Variants in MCPH1 observed in about 807,000 individuals in gnomAD.
MCPH1 encodes the protein microcephalin 1.
In MCPH1, 104 loss-of-function variants were observed where a neutral mutation model predicts 84.5. The observed-to-expected ratio is 1.23, with a 90% CI of 1.05 to 1.45. The LOEUF (loss-of-function observed/expected upper bound fraction) is 1.45, where lower values mean the gene tolerates loss of function less well. MCPH1 is among the 40% of genes most tolerant of loss of function. The pLI, the probability that MCPH1 is intolerant of heterozygous loss-of-function variation, is 0.00. For synonymous variants in MCPH1, 514 were observed against 366.8 expected (o/e 1.40, Z -4.58); for missense variants, 1,498 against 1,005.7 (o/e 1.49, Z -6.62).
chr8:6,477,636 G>C lies in MCPH1; in HGVS notation c.1973+5G>C, dbSNP rs763489143. On this transcript the variant is annotated splice_donor_5th_base_variant and intron_variant, in intron 10 of 13. Transcript: ENST00000344683. The stretch of plus-strand genomic sequence containing the variant: ...CATGACAAGCATGCCATCTGAGTAA[G>C]TACTTGTTTTGATTTCTGTTCAATG... 6.2e-7 allele frequency: 1 copy of C among 1,611,596 alleles called. No individual in the cohort carries two copies. The highest frequency in any genetic ancestry group is 2.2e-5 in the East Asian group (1 of 44,816).
At chr8:6,496,634 G>A (rs555543318) in intron 11 of MCPH1, among the ~76,000 whole-genome samples, 4 of 151,964 alleles carry the variant, frequency 2.6e-5, no homozygotes, top group African/African-American at 7.2e-5. Flanking sequence ...TATGGTGGGC[G>A]GTATGCTTGG....
intron 12 of MCPH1, among the ~76,000 whole-genome samples, chr8:6,611,684 T>G (rs910357198): frequency 6.6e-6 from 1 of 152,148 alleles, no homozygotes; most frequent in South Asian, 2.1e-4. Flanking sequence ...AGTGGCGCCA[T>G]CTCAGCTCCC....
chr8:6,557,747 G>A (rs966540607), intron 12 of MCPH1, among the ~76,000 whole-genome samples: 13 of 151,576 alleles, frequency 8.6e-5, no homozygotes, highest in Non-Finnish European at 1.5e-4. Flanking sequence ...AGAATGGTTT[G>A]CCTGCTGACT....
At chr8:6,583,551 A>T (rs1827732278) in intron 12 of MCPH1, among the ~76,000 whole-genome samples, 1 of 152,162 alleles carries the variant, frequency 6.6e-6, no homozygotes, top group African/African-American at 2.4e-5. Context: ...GGACAAAAGG[A>T]AGCGAGGGTG....
chr8:6,422,510 C>T (rs1800362107), intron 3 of MCPH1, among the ~76,000 whole-genome samples: 1 of 152,128 alleles, frequency 6.6e-6, no homozygotes. Flanking sequence ...GGGATGGTCA[C>T]TGGTAGTGTG....
rs977179443 is a variant in MCPH1 at position 6,609,311 on chromosome 8, G to A, written c.2215-12143G>A. Among the ~76,000 whole-genome samples, 131 of 152,280 alleles carry A rather than the reference G, an allele frequency of 8.6e-4. 1 individual carries two copies. The highest frequency in any genetic ancestry group is 1.8e-3 in the Non-Finnish European group (120 of 68,028). On this transcript the variant is annotated intron_variant, in intron 12 of 13. Transcript: ENST00000344683. ...AGAGCATGAGCGTGTGCCCACTATC[G>A]GGGACAGAAACCTACCGCGTTCGAG...
At chr8:6,588,178 C>A (rs1377271393) in intron 12 of MCPH1, among the ~76,000 whole-genome samples, 1 of 152,194 alleles carries the variant, frequency 6.6e-6, no homozygotes, top group South Asian at 2.1e-4. Context: ...CAGATGGGAC[C>A]ACTGTGCCTC....
intron 4 of MCPH1, 92 bp from the exon 5 acceptor site, chr8:6,435,956 A>G (rs1345312528): frequency 6.1e-6 from 9 of 1,467,230 alleles, no homozygotes; most frequent in Middle Eastern, 1.8e-4. Context: ...TACTGATGTT[A>G]TAAAAGGTAT....
At chr8:6,565,435 T>A (rs889356947) in intron 12 of MCPH1, among the ~76,000 whole-genome samples, 2 of 152,198 alleles carry the variant, frequency 1.3e-5, no homozygotes, top group Non-Finnish European at 2.9e-5. Flanking sequence ...TTCAAGATTA[T>A]TTTTTGTAGA....
At chr8:6,642,733 C>A in intron 13 of MCPH1, 2 of 535,622 alleles carry the variant, frequency 3.7e-6, no homozygotes, top group East Asian at 3.4e-5. Flanking sequence ...CGGGAACGTG[C>A]CCTGCATCTA....
chr8:6,624,190 G>A (rs749900209), intron 13 of MCPH1, among the ~76,000 whole-genome samples: 3 of 152,352 alleles, frequency 2.0e-5, no homozygotes, highest in Admixed American at 6.5e-5. Flanking sequence ...CTTCGATCCC[G>A]CAAAGCCCTT....
intron 11 of MCPH1, 79 bp from the exon 12 acceptor site, chr8:6,499,773 G>C: frequency 7.9e-7 from 1 of 1,272,706 alleles, no homozygotes; most frequent in Non-Finnish European, 1.1e-6. Flanking sequence ...TTTTTGCTGT[G>C]TCTTCAAAGT....
intron 4 of MCPH1, among the ~76,000 whole-genome samples, chr8:6,433,406 G>A (rs1429395526): frequency 6.6e-6 from 1 of 152,070 alleles, no homozygotes; most frequent in African/African-American, 2.4e-5. Context: ...GCCAAGGCGG[G>A]CAAATCAGTT....
At chr8:6,472,709 C>T (rs1807905873) in intron 9 of MCPH1, among the ~76,000 whole-genome samples, 1 of 152,170 alleles carries the variant, frequency 6.6e-6, no homozygotes, top group African/African-American at 2.4e-5. Flanking sequence ...CTCAGGTAAT[C>T]CACCCGCCTC....
intron 6 of MCPH1, among the ~76,000 whole-genome samples, chr8:6,439,358 TC>T (rs1261743084): frequency 2.0e-5 from 2 of 99,600 alleles, no homozygotes; most frequent in African/African-American, 5.4e-5. Flanking sequence ...TGGAATTTTT[TC>T]TTTCTTTTTT....
chr8:6,543,395 C>A (rs1298126741), intron 12 of MCPH1, among the ~76,000 whole-genome samples: 1 of 152,188 alleles, frequency 6.6e-6, no homozygotes, highest in Non-Finnish European at 1.5e-5. Context: ...TCTCTCTGTG[C>A]TTTCCTGGGT....
In MCPH1 at chr8:6,508,670, C is replaced by G. The variant is rs963083821; in HGVS notation, c.2214+8741C>G. On this transcript the variant is annotated intron_variant, in intron 12 of 13. Transcript: ENST00000344683. ...AAACGCAGGAGAGCTTGCTAAGAATCAAATATCCCCTCTCCTTGCCAGGGC... is the reference window on the plus strand; with the variant it reads ...AAACGCAGGAGAGCTTGCTAAGAATGAAATATCCCCTCTCCTTGCCAGGGC... 34 of 590,870 alleles carry G rather than the reference C, an allele frequency of 5.8e-5. No homozygotes were observed. In the African/African-American group the frequency reaches 6.0e-4, roughly 10 times the overall value. 36.6% of individuals were successfully genotyped at this position (590,870 alleles called of 1,614,324 possible).
At chr8:6,635,303 A>G (rs1463881294) in intron 13 of MCPH1, 5 of 152,340 alleles carry the variant, frequency 3.3e-5, no homozygotes, top group Non-Finnish European at 2.9e-5. Flanking sequence ...ACACTGCAGA[A>G]AAAGCACCCG....
intron 10 of MCPH1, among the ~76,000 whole-genome samples, chr8:6,480,054 A>C (rs948924453): frequency 6.6e-6 from 1 of 152,170 alleles, no homozygotes; most frequent in African/African-American, 2.4e-5. Flanking sequence ...CTGAAAAACA[A>C]ATCATTGCCC....
Sources: allele counts gnomAD v4.1 joint callset (sites outside exome capture counted in the v4.1 genomes callset), GRCh38; gene constraint gnomAD v4.1.1; transcripts MANE v1.5; gene names NCBI Gene and HGNC (gene_info 2026-07-23, HGNC 2026-07-21).